Variants in CCDC40 observed in about 807,000 individuals in gnomAD.
CCDC40 encodes the protein coiled-coil domain 40 molecular ruler complex subunit.
In CCDC40, 104 loss-of-function variants were observed where a neutral mutation model predicts 124.5. That is an observed-to-expected ratio of 0.84 (90% CI 0.71 to 0.98). The LOEUF is 0.98. Ranked by LOEUF, CCDC40 falls within the 50% of genes least tolerant of loss-of-function variation. CCDC40 has a pLI of 0.00. For missense variants in CCDC40, 1,463 were observed against 1,503.9 expected (o/e 0.97, Z 0.45); for synonymous variants, 580 against 602.9 (o/e 0.96, Z 0.56).
intron 1 of CCDC40, 73 bp downstream of exon 1, chr17:80,036,764 C>A: frequency 7.2e-7 from 1 of 1,382,056 alleles, no homozygotes; most frequent in South Asian, 1.4e-5. Flanking sequence ...CCAGGTGGCC[C>A]CCGCGTCGGC....
chr17:80,064,961 C>T (rs751382585), intron 9 of CCDC40, among the ~76,000 whole-genome samples: 4 of 152,034 alleles, frequency 2.6e-5, no homozygotes, highest in African/African-American at 9.7e-5. Context: ...AATGACACCA[C>T]CAACCCTGCA....
chr17:80,063,282 T>G (rs1273003673), intron 9 of CCDC40, among the ~76,000 whole-genome samples: 3 of 152,158 alleles, frequency 2.0e-5, no homozygotes, highest in African/African-American at 7.2e-5. Flanking sequence ...AAGTTAGAAA[T>G]GGTTATCTCT....
In CCDC40 at chr17:80,058,777, A is replaced by G. The variant is rs190044156; in HGVS notation, c.1318-81A>G. 6.2e-6 allele frequency: 10 copies of G among 1,610,824 alleles called. No individual in the cohort carries two copies. Among genetic ancestry groups the G allele is most frequent in the East Asian group, 4.5e-5 (2 of 44,852 alleles). The stretch of plus-strand genomic sequence containing the variant: ...GTGGCGGCCGGCCTGGGTGGCGTCA[A>G]CTTGTATCAAGGGTTGGTGGAGAAC... On this transcript the variant is annotated intron_variant, in intron 8 of 19. Transcript: ENST00000397545. This position sits in a 1 kb window ranked among gnomAD's most constrained non-coding sequence, Gnocchi z 4.2.
chr17:80,048,222 T>C, intron 4 of CCDC40: 1 of 339,032 alleles, frequency 2.9e-6, no homozygotes, highest in East Asian at 7.6e-5. Flanking sequence ...ATCACGCCAC[T>C]GCACTCCAGC....
Position 80,039,905 on chromosome 17 carries a change from G to T in CCDC40, c.187G>T (p.Ala63Ser), listed in dbSNP as rs775341967. Residue 63 changes from alanine (A) to serine (S), a missense_variant, in exon 3 of 20, where the codon GCA (alanine) becomes TCA (serine). Ala to Ser is a moderately conservative substitution (Grantham distance 99, BLOSUM62 1). Transcript: ENST00000397545. ...PEEVTTQAEA[A>S]IEEGEVETEG... ...GGAAGTCACAACCCAAGCGGAAGCT[G>T]CAATTGAAGAGGGGGAGGTGGAGAC... 6.2e-7 allele frequency: 1 copy of T among 1,613,818 alleles called. No individual in the cohort carries two copies. The highest frequency in any genetic ancestry group is 8.5e-7 in the Non-Finnish European group (1 of 1,179,854).
intron 12 of CCDC40, among the ~76,000 whole-genome samples, chr17:80,084,402 ATG>A (rs2038530341): frequency 6.6e-5 from 10 of 152,192 alleles, no homozygotes; most frequent in Admixed American, 6.5e-4. Context: ...AGCGGCCCCC[ATG>A]GTCCAGTCAC....
At chr17:80,061,622 G>A (rs943640741) in intron 9 of CCDC40, among the ~76,000 whole-genome samples, 20 of 152,132 alleles carry the variant, frequency 1.3e-4, no homozygotes, top group African/African-American at 3.6e-4. Flanking sequence ...GAAGGGGGCC[G>A]CCCGCACTTC....
chr17:80,070,621 G>C (rs903317932), intron 10 of CCDC40, among the ~76,000 whole-genome samples: 1 of 151,324 alleles, frequency 6.6e-6, no homozygotes, highest in African/African-American at 2.4e-5. Context: ...TTTAATTAGC[G>C]GGGCATGGTG....
At chr17:80,047,593 C>G in intron 4 of CCDC40, 191 bp downstream of exon 4, 1 of 633,256 alleles carries the variant, frequency 1.6e-6, no homozygotes, top group Non-Finnish European at 2.8e-6. Flanking sequence ...TCATTTAATC[C>G]TAACAGTGAC....
chr17:80,065,978 C>A lies in CCDC40; in HGVS notation c.1562+372C>A. 1.9e-5 allele frequency: 12 copies of A among 643,992 alleles called. No individual in the cohort carries two copies. The South Asian group carries it at 1.9e-4, about 10-fold the overall frequency. The allele number at this position is 643,992 out of a possible 1,614,324, so 39.9% of individuals were successfully genotyped here. A position where few individuals can be genotyped will look rare whatever the true frequency, so the allele number is the denominator to read the frequency against. On this transcript the variant is annotated intron_variant, in intron 10 of 19. Transcript: ENST00000397545. ...CCTTCTCGATTGTTCTGCCTGAGGG[C>A]TGCATTCCAACCGAAATCCTATTTT...
At chr17:80,085,109 C>G in intron 13 of CCDC40, 121 bp downstream of exon 13, 3 of 1,289,498 alleles carry the variant, frequency 2.3e-6, no homozygotes, top group Admixed American at 2.0e-5. Context: ...TGCCTCTTTC[C>G]CTACCTGCTT....
In CCDC40 at chr17:80,082,436, A is replaced by G. The variant is rs374109552; in HGVS notation, c.1989+378A>G. ...GGGACTTGTGTCCTTAGAAAAAACA[A>G]TTCCTTACTTGAATTGTTTTTTCTT... On this transcript the variant is annotated intron_variant, in intron 12 of 19. Transcript: ENST00000397545. 1.1e-4 allele frequency among the ~76,000 whole-genome samples: 17 copies of G among 151,324 alleles called. No homozygotes were observed. The East Asian group carries it at 3.2e-3, about 28-fold the overall frequency.
chr17:80,086,611 A>C lies in CCDC40; in HGVS notation c.2449+395A>C. The C allele has an allele frequency of 3.7e-6, 1 of 267,246 alleles. No individual in the cohort carries two copies. Among genetic ancestry groups the C allele is most frequent in the Non-Finnish European group, 7.3e-6 (1 of 136,296 alleles). 16.6% of individuals were successfully genotyped at this position (267,246 alleles called of 1,614,324 possible). On this transcript the variant is annotated intron_variant, in intron 14 of 19. Coordinates refer to ENST00000397545, the MANE Select transcript of CCDC40 (RefSeq NM_017950.4). The surrounding 1 kb of genome is among the most constrained non-coding windows in gnomAD (Gnocchi z 5.5). ...CATCACCTCCAGTTGGGCTTAGAAA[A>C]CCATTCCACCGGGGCTCCCCAACCC...
intron 12 of CCDC40, 147 bp from the exon 13 acceptor site, chr17:80,084,596 G>A: frequency 1.1e-6 from 1 of 923,112 alleles, no homozygotes; most frequent in South Asian, 1.5e-5. Flanking sequence ...TGGAGACAGT[G>A]GGAAATCCAG....
rs1026488580 is a variant in CCDC40, at chr17:80,066,371, T to C, written c.1562+765T>C. On this transcript the variant is annotated intron_variant, in intron 10 of 19. Coordinates refer to ENST00000397545, the MANE Select transcript of CCDC40 (RefSeq NM_017950.4). This position sits in a 1 kb window ranked among gnomAD's most constrained non-coding sequence, Gnocchi z 4.4. ...CACAACCAGGAGATGCTTTTCCTTT[T>C]GGGTGCTGTGATTAAAGAAACAAAA... 5.8e-5 allele frequency: 33 copies of C among 571,508 alleles called. No homozygotes were observed. The highest frequency in any genetic ancestry group is 5.3e-4 in the African/African-American group (28 of 52,982). 35.4% of individuals were successfully genotyped at this position (571,508 alleles called of 1,614,324 possible). A position where few individuals can be genotyped will look rare whatever the true frequency, so the allele number is the denominator to read the frequency against.
chr17:80,097,206 G>A (rs375611776), intron 18 of CCDC40, 39 bp from the exon 19 acceptor site: 21 of 1,611,778 alleles, frequency 1.3e-5, no homozygotes, highest in South Asian at 5.5e-5. Context: ...CCAAGTAGCC[G>A]GGCTGCAGGG....
intron 10 of CCDC40, among the ~76,000 whole-genome samples, chr17:80,078,945 T>G (rs1245389332): frequency 6.6e-6 from 1 of 151,028 alleles, no homozygotes; most frequent in African/African-American, 2.4e-5. Flanking sequence ...TTTTTTTTTT[T>G]TTTTTTGAGT....
intron 10 of CCDC40, 107 bp from the exon 11 acceptor site, chr17:80,081,439 T>C (rs2038445999): frequency 3.8e-6 from 4 of 1,043,412 alleles, no homozygotes; most frequent in Non-Finnish European, 5.8e-6. Flanking sequence ...TTTATTTCTC[T>C]GTGCATTGAG....
intron 3 of CCDC40, among the ~76,000 whole-genome samples, chr17:80,042,363 G>A (rs2037304259): frequency 6.6e-6 from 1 of 152,128 alleles, no homozygotes; most frequent in African/African-American, 2.4e-5. Flanking sequence ...CAAATGATCT[G>A]CCTGCCGCAG....
Sources: gnomAD v4.1 joint callset for allele counts (sites outside exome capture counted in the v4.1 genomes callset) on GRCh38, gnomAD v4.1.1 for gene constraint, Gnocchi (gnomAD v3.1) non-coding constraint, MANE v1.5 for transcripts, NCBI Gene and HGNC (gene_info 2026-07-23, HGNC 2026-07-21) for gene names.